The following CCDC39 variants were observed in gnomAD, a reference collection of about 807,000 sequenced individuals.
CCDC39 encodes coiled-coil domain 39 molecular ruler complex subunit, also known as coiled-coil domain-containing protein 39.
CCDC39 carries 113 observed loss-of-function variants against 121.0 expected under a neutral mutation model. That is an observed-to-expected ratio of 0.93 (90% CI 0.80 to 1.09). CCDC39 has a LOEUF of 1.09. Among genes scored for constraint, CCDC39 ranks in the 50% least tolerant of loss-of-function variants. CCDC39 has a pLI of 0.00. For missense variants in CCDC39, 1,063 were observed against 1,074.7 expected (o/e 0.99, Z 0.15); for synonymous variants, 349 against 352.2 (o/e 0.99, Z 0.10).
At chr3:180,655,367 A>C (rs1217763395) in intron 6 of CCDC39, among the ~76,000 whole-genome samples, 1 of 152,054 alleles carries the variant, frequency 6.6e-6, no homozygotes, top group Non-Finnish European at 1.5e-5. Flanking sequence ...TGGTTTCAAT[A>C]GGAATGTCTT....
At chr3:180,643,206 G>A (rs577175641) in intron 12 of CCDC39, among the ~76,000 whole-genome samples, 1 of 152,054 alleles carries the variant, frequency 6.6e-6, no homozygotes, top group Non-Finnish European at 1.5e-5. Context: ...TGATCCACCC[G>A]CCTCGGCCTC....
At chr3:180,624,462 C>A (rs964751467) in intron 14 of CCDC39, among the ~76,000 whole-genome samples, 1 of 151,764 alleles carries the variant, frequency 6.6e-6, no homozygotes, top group African/African-American at 2.4e-5. Context: ...CAACTGTTAC[C>A]TAGTTGGTTT....
At chr3:180,676,406 T>C (rs1712207785) in intron 1 of CCDC39, among the ~76,000 whole-genome samples, 1 of 152,224 alleles carries the variant, frequency 6.6e-6, no homozygotes, top group Admixed American at 6.5e-5. Context: ...TCATCATCAC[T>C]GGCCATCAGA....
At chr3:180,667,109 C>T (rs1042354672) in intron 1 of CCDC39, among the ~76,000 whole-genome samples, 8 of 152,032 alleles carry the variant, frequency 5.3e-5, no homozygotes, top group Non-Finnish European at 1.2e-4. Context: ...AACTGAAACA[C>T]AGCTGGAAGA....
At chr3:180,640,626 T>C (rs1278824032) in intron 13 of CCDC39, among the ~76,000 whole-genome samples, 2 of 152,022 alleles carry the variant, frequency 1.3e-5, no homozygotes, top group Non-Finnish European at 2.9e-5. Flanking sequence ...CTACAACTAT[T>C]AACTAATAAA....
chr3:180,676,713 T>C (rs1282165904), intron 1 of CCDC39, among the ~76,000 whole-genome samples: 4 of 152,210 alleles, frequency 2.6e-5, no homozygotes, highest in African/African-American at 9.7e-5. Context: ...GCAGCACTAT[T>C]CACAACAGCA....
chr3:180,641,330 T>G (rs1717950776), intron 13 of CCDC39, among the ~76,000 whole-genome samples: 1 of 152,018 alleles, frequency 6.6e-6, no homozygotes, highest in Non-Finnish European at 1.5e-5. Flanking sequence ...TTATATTTAA[T>G]GCAAAAACAA....
intron 2 of CCDC39, among the ~76,000 whole-genome samples, chr3:180,662,370 G>C (rs1711762200): frequency 6.6e-6 from 1 of 152,024 alleles, no homozygotes; most frequent in Admixed American, 6.6e-5. Context: ...TGTTTTATAT[G>C]AATTGATCAC....
At chr3:180,651,839 C>T (rs993053308) in intron 8 of CCDC39, among the ~76,000 whole-genome samples, 5 of 152,080 alleles carry the variant, frequency 3.3e-5, no homozygotes, top group Non-Finnish European at 7.4e-5. Flanking sequence ...AGATCAAGAC[C>T]ATCCTGGCTA....
At chr3:180,639,262 A>T (rs994653510) in intron 13 of CCDC39, among the ~76,000 whole-genome samples, 3 of 152,182 alleles carry the variant, frequency 2.0e-5, no homozygotes, top group Non-Finnish European at 4.4e-5. Context: ...CAGTATTCAT[A>T]AAGTTTTAAT....
intron 1 of CCDC39, among the ~76,000 whole-genome samples, chr3:180,677,563 A>G (rs1576957743): frequency 6.6e-6 from 1 of 151,970 alleles, no homozygotes; most frequent in Non-Finnish European, 1.5e-5. Context: ...AGAAACATTA[A>G]CCATTTAATT....
chr3:180,615,814 G>A (rs1717210895), intron 19 of CCDC39, among the ~76,000 whole-genome samples: 2 of 152,150 alleles, frequency 1.3e-5, no homozygotes, highest in South Asian at 4.1e-4. Flanking sequence ...AAAAAAAAGG[G>A]GTTTCCTTTT....
intron 12 of CCDC39, among the ~76,000 whole-genome samples, chr3:180,643,848 A>G (rs1437440261): frequency 6.6e-6 from 1 of 152,206 alleles, no homozygotes; most frequent in African/African-American, 2.4e-5. Context: ...AATTTCATGC[A>G]ATGGACTTAT....
chr3:180,628,449 C>T (rs923576254), intron 14 of CCDC39, among the ~76,000 whole-genome samples: 1 of 152,140 alleles, frequency 6.6e-6, no homozygotes, highest in African/African-American at 2.4e-5. Flanking sequence ...CCTCGTGATC[C>T]ACCCACCTCG....
chr3:180,679,341 C>T lies in CCDC39; in HGVS notation c.40G>A (p.Gly14Arg). The T allele has an allele frequency of 6.2e-7, 1 of 1,613,964 alleles. No individual in the cohort carries two copies. The highest frequency in any genetic ancestry group is 8.5e-7 in the Non-Finnish European group (1 of 1,179,862). Reference protein sequence around the residue: ...EFLAELHWEDGFAIPVANEEN... With the variant: ...EFLAELHWEDRFAIPVANEEN... Reference sequence around the variant, plus strand: ...TCGTTCGCCACCGGGATGGCGAACCCATCCTCCCAGTGCAGCTCAGCCAGG... The same window carrying T: ...TCGTTCGCCACCGGGATGGCGAACCTATCCTCCCAGTGCAGCTCAGCCAGG... Residue 14 changes from glycine (G) to arginine (R), a missense_variant, in exon 1 of 20, where the codon GGG becomes AGG. Gly to Arg is a moderately radical substitution (Grantham distance 125). Coordinates refer to ENST00000476379, the MANE Select transcript of CCDC39 (RefSeq NM_181426.2). This position sits in a 1 kb window ranked among gnomAD's most constrained non-coding sequence, Gnocchi z 4.0.
chr3:180,662,029 A>G, intron 2 of CCDC39, 22 bp from the exon 3 acceptor site: 2 of 1,516,790 alleles, frequency 1.3e-6, no homozygotes, highest in Non-Finnish European at 1.8e-6. Flanking sequence ...CACACAAGAT[A>G]AAAAGGCTTT....
chr3:180,652,488 C>T (rs1359624903), intron 7 of CCDC39, among the ~76,000 whole-genome samples: 1 of 152,040 alleles, frequency 6.6e-6, no homozygotes, highest in Non-Finnish European at 1.5e-5. Flanking sequence ...ATAGAGAACA[C>T]ATATGTGTTG....
chr3:180,629,322 G>A (rs1440427227), intron 14 of CCDC39, among the ~76,000 whole-genome samples: 1 of 152,196 alleles, frequency 6.6e-6, no homozygotes, highest in African/African-American at 2.4e-5. Flanking sequence ...CTTTTCTACA[G>A]AGCAGAGTTG....
At position 180,644,210 on chromosome 3, in the gene CCDC39, T is replaced by G; in HGVS notation, c.1575A>C (p.Glu525Asp). The G allele has an allele frequency of 6.5e-7, 1 of 1,541,670 alleles. No homozygotes were observed. The highest frequency in any genetic ancestry group is 1.2e-5 in the South Asian group (1 of 82,046). Residue 525 changes from glutamate to aspartate, a missense_variant, in exon 12 of 20, where the codon GAA becomes GAC. Glu to Asp is a conservative substitution (Grantham distance 45, BLOSUM62 2). Transcript: ENST00000476379. ...TTATTTTGGTCATAAGGGACTGTTT[T>G]TCATCACTGTTTTTACTATGTGCCT... ...IKKAHSKNSD[E>D]KQSLMTKINE... is the part of the protein sequence containing the mutation.
Sources: allele counts gnomAD v4.1 joint callset (sites outside exome capture counted in the v4.1 genomes callset), GRCh38; gene constraint gnomAD v4.1.1; non-coding constraint Gnocchi (gnomAD v3.1); transcripts MANE v1.5; gene names NCBI Gene and HGNC (gene_info 2026-07-23, HGNC 2026-07-21).